Variants in ABCB1 observed in about 807,000 individuals in gnomAD.
ABCB1 encodes the protein ATP binding cassette subfamily B member 1.
ABCB1 carries 69 observed loss-of-function variants against 142.0 expected under a neutral mutation model. That is an observed-to-expected ratio of 0.49 (90% confidence interval 0.40 to 0.59). The LOEUF (loss-of-function observed/expected upper bound fraction) is 0.59, where lower values mean the gene tolerates loss of function less well. Among genes scored for constraint, ABCB1 ranks in the 20% least tolerant of loss-of-function variants. The probability of loss-of-function intolerance (pLI) is 0.00; values close to 1 mark genes in which losing one functional copy is unlikely to be tolerated. For synonymous variants in ABCB1, 532 were observed against 539.2 expected, an observed-to-expected ratio of 0.99 and a Z score of 0.18; for missense variants, 1,326 against 1,554.7, an observed-to-expected ratio of 0.85 and a Z score of 2.47.
chr7:87,613,257 CTTTTT>C (rs67823385), intron 1 of ABCB1, among the ~76,000 whole-genome samples: 2 of 64,210 alleles, frequency 3.1e-5, no homozygotes, highest in Middle Eastern at 0.021. Flanking sequence ...TCCTTTATTT[CTTTTT>C]TTTTTTTTTT....
intron 1 of ABCB1, 139 bp from the exon 2 acceptor site, chr7:87,600,329 G>C: frequency 1.4e-6 from 1 of 731,360 alleles, no homozygotes; most frequent in Non-Finnish European, 2.4e-6. Context: ...TGCTCTGGCC[G>C]CGATGGGCAC....
intron 4 of ABCB1, among the ~76,000 whole-genome samples, chr7:87,576,462 TATAG>T (rs1818278570): frequency 6.7e-6 from 1 of 149,648 alleles, no homozygotes; most frequent in Non-Finnish European, 1.5e-5. Context: ...TGTAAGTATA[TATAG>T]ATACTTTTAC....
chr7:87,593,728 C>T (rs1487602330), intron 3 of ABCB1, among the ~76,000 whole-genome samples: 1 of 152,244 alleles, frequency 6.6e-6, no homozygotes, highest in Non-Finnish European at 1.5e-5. Context: ...CACTGAGTCT[C>T]TAATGAGCTT....
At chr7:87,700,477 G>A in intron 1 of ABCB1, 1 of 1,613,082 alleles carries the variant, frequency 6.2e-7, no homozygotes, top group Non-Finnish European at 8.5e-7. Context: ...CTATATCAGA[G>A]TGGCTTGCCG....
In ABCB1 at chr7:87,614,758, A is replaced by G. The variant is rs188227115; in HGVS notation, c.-330-13680T>C. On this transcript the variant is annotated intron_variant, in intron 1 of 28. Coordinates refer to the ABCB1 transcript ENST00000265724. ...TCCTGCTAATATCCAGTTTAATAGC[A>G]TGTTTAGGTACTTATAATAATTACT... Among the ~76,000 whole-genome samples the G allele has an allele frequency of 1.1e-3, 174 of 152,036 alleles. 2 individuals are homozygous for G. The highest frequency in any genetic ancestry group is 4.1e-3 in the African/African-American group (169 of 41,468).
intron 1 of ABCB1, among the ~76,000 whole-genome samples, chr7:87,622,301 CAT>C (rs1820252016): frequency 6.6e-6 from 1 of 151,978 alleles, no homozygotes; most frequent in Admixed American, 6.6e-5. Flanking sequence ...ACGGGCAAAA[CAT>C]AAATGAACAA....
chr7:87,596,027 C>T (rs937379086), intron 2 of ABCB1, among the ~76,000 whole-genome samples: 1 of 152,002 alleles, frequency 6.6e-6, no homozygotes, highest in Non-Finnish European at 1.5e-5. Context: ...GTGGTTATCA[C>T]TGAGTGCTGG....
intron 1 of ABCB1, among the ~76,000 whole-genome samples, chr7:87,702,220 T>A (rs947265155): frequency 5.3e-5 from 8 of 151,504 alleles, no homozygotes; most frequent in Non-Finnish European, 1.0e-4. Context: ...ATAGTTATTT[T>A]TCATAAAAAT....
At chr7:87,673,034 A>G (rs1349612183) in intron 1 of ABCB1, among the ~76,000 whole-genome samples, 2 of 152,186 alleles carry the variant, frequency 1.3e-5, no homozygotes, top group Non-Finnish European at 2.9e-5. Context: ...AGAATGCTGC[A>G]TTTAGGACCC....
chr7:87,603,051 C>A (rs1819518352), upstream of ABCB1: 1 of 152,186 alleles, frequency 6.6e-6, no homozygotes, highest in Non-Finnish European at 1.5e-5. Flanking sequence ...CCTTCTTGTC[C>A]TCCGCTCTCA....
intron 21 of ABCB1, among the ~76,000 whole-genome samples, chr7:87,531,007 ATAAC>A (rs1328869627): frequency 6.6e-6 from 1 of 152,086 alleles, no homozygotes; most frequent in East Asian, 1.9e-4. Flanking sequence ...AAAGAAGAAA[ATAAC>A]TAAGGGAAGG....
At chr7:87,537,300 C>CG (rs1387706674) in intron 19 of ABCB1, among the ~76,000 whole-genome samples, 1 of 152,170 alleles carries the variant, frequency 6.6e-6, no homozygotes, top group East Asian at 1.9e-4. Context: ...AGGCGACTGT[C>CG]AAGATTCCAG....
chr7:87,620,064 T>A (rs1334164140), intron 1 of ABCB1, among the ~76,000 whole-genome samples: 2 of 152,170 alleles, frequency 1.3e-5, no homozygotes, highest in African/African-American at 2.4e-5. Context: ...ATTTAGTCTA[T>A]CCATAGGAAA....
chr7:87,608,947 C>A (rs1819753870), intron 1 of ABCB1, among the ~76,000 whole-genome samples: 1 of 152,136 alleles, frequency 6.6e-6, no homozygotes, highest in Non-Finnish European at 1.5e-5. Context: ...TTCATTCACT[C>A]AACAGTATTA....
rs28381925 is a variant in ABCB1, at chr7:87,543,535, C to T, written c.2211+594G>A. On this transcript the variant is annotated intron_variant, in intron 17 of 27. Coordinates refer to ENST00000622132, the MANE Select transcript of ABCB1 (RefSeq NM_001348946.2). ...GGGTGTCCTCAGCTTGATGTTTGGA[C>T]ATATGTCACTAAACAGAGAGCATTC... 1.4e-3 allele frequency among the ~76,000 whole-genome samples: 216 copies of T among 152,200 alleles called. 1 individual carries two copies. The highest frequency in any genetic ancestry group is 2.0e-3 in the Non-Finnish European group (135 of 68,008).
chr7:87,553,302 T>A (rs1428364899), intron 9 of ABCB1, among the ~76,000 whole-genome samples: 1 of 150,312 alleles, frequency 6.7e-6, no homozygotes, highest in Non-Finnish European at 1.5e-5. Context: ...GTCGGATGCA[T>A]CTAATTTTTT....
intron 19 of ABCB1, 26 bp from the exon 20 acceptor site, chr7:87,536,567 A>G (rs1228833398): frequency 6.2e-7 from 1 of 1,610,576 alleles, no homozygotes; most frequent in African/African-American, 1.3e-5. Context: ...TGATTTTATT[A>G]CCTTAAAGCT....
At position 87,507,746 on chromosome 7, in the gene ABCB1, T is replaced by C. The variant is rs529653964; in HGVS notation, c.3489+1529A>G. ...AGCTTTGTTTTAGGGGGCACTTCCT[T>C]AGAATAAAGAGCATAACTGGTGATA... On this transcript the variant is annotated intron_variant, in intron 26 of 27. Transcript: ENST00000622132. Among the ~76,000 whole-genome samples the C allele has an allele frequency of 6.4e-4, 97 of 152,244 alleles. No homozygotes were observed. In the South Asian group the frequency reaches 1.0e-2, roughly 16 times the overall value.
chr7:87,631,417 G>A (rs1563087187), intron 1 of ABCB1, among the ~76,000 whole-genome samples: 1 of 152,220 alleles, frequency 6.6e-6, no homozygotes, highest in East Asian at 1.9e-4. Context: ...TTGAGACGGA[G>A]TCTCGCTCTG....
Sources: gnomAD v4.1 joint callset for allele counts (sites outside exome capture counted in the v4.1 genomes callset) on GRCh38, gnomAD v4.1.1 for gene constraint, MANE v1.5 for transcripts, NCBI Gene and HGNC (gene_info 2026-07-23, HGNC 2026-07-21) for gene names.